Variants in UNC79 observed in about 807,000 individuals in gnomAD.
UNC79 encodes unc-79 subunit of NALCN channel complex.
Under a neutral mutation model 283.1 loss-of-function variants are expected in UNC79, and 37 were observed. That is an observed-to-expected ratio of 0.13 (90% CI 0.10 to 0.17). The LOEUF is 0.17. Ranked by LOEUF, UNC79 falls within the 10% of genes least tolerant of loss-of-function variation. UNC79 has a pLI of 1.00. For synonymous variants in UNC79, 1,107 were observed against 1,200.2 expected, an observed-to-expected ratio of 0.92 and a Z score of 1.61; for missense variants, 2,272 against 3,211.1, an observed-to-expected ratio of 0.71 and a Z score of 7.07.
At chr14:93,515,417 T>A (rs2060010204) in intron 7 of UNC79, among the ~76,000 whole-genome samples, 1 of 152,174 alleles carries the variant, frequency 6.6e-6, no homozygotes, top group Non-Finnish European at 1.5e-5. Flanking sequence ...TTCTCTTGTC[T>A]GTTGTTTCTT....
chr14:93,648,839 C>T (rs1243625286), intron 35 of UNC79, among the ~76,000 whole-genome samples: 1 of 152,176 alleles, frequency 6.6e-6, no homozygotes, highest in Non-Finnish European at 1.5e-5. Context: ...CACAGAGATG[C>T]AAGCACTTGC....
intron 47 of UNC79, among the ~76,000 whole-genome samples, chr14:93,694,787 C>G (rs1459692773): frequency 6.6e-6 from 1 of 152,134 alleles, no homozygotes; most frequent in Non-Finnish European, 1.5e-5. Context: ...AACACAAGTA[C>G]TGAAAATATT....
At chr14:93,435,914 A>T (rs1176579424) in intron 1 of UNC79, among the ~76,000 whole-genome samples, 1 of 152,090 alleles carries the variant, frequency 6.6e-6, no homozygotes, top group African/African-American at 2.4e-5. Flanking sequence ...ACTGCTCAAT[A>T]CTTAGCTTTG....
At chr14:93,430,033 C>T (rs1299102557), upstream of UNC79, among the ~76,000 whole-genome samples, 1 of 152,196 alleles carries the variant, frequency 6.6e-6, no homozygotes, top group Non-Finnish European at 1.5e-5. The surrounding 1 kb of genome is among the most constrained non-coding windows in gnomAD (Gnocchi z 4.6). Context: ...GGATATCTTC[C>T]TATTAATATG....
chr14:93,349,155 T>G lies in UNC79; in HGVS notation c.-351+15632T>G, dbSNP rs190996756. On this transcript the variant is annotated intron_variant, in intron 1 of 49. Transcript: ENST00000256339. The stretch of plus-strand genomic sequence containing the variant: ...AACAAACTCCGGACACACACCATCT[T>G]TAACAACTGTAACACTCACCGTGAA... Among the ~76,000 whole-genome samples, 216 of 152,262 alleles carry G rather than the reference T, an allele frequency of 1.4e-3. 3 individuals are homozygous for G. The highest frequency in any genetic ancestry group is 5.0e-3 in the African/African-American group (206 of 41,552).
chr14:93,521,407 CCTCTTCCTTCATA>C, intron 7 of UNC79, among the ~76,000 whole-genome samples: 1 of 151,926 alleles, frequency 6.6e-6, no homozygotes, highest in African/African-American at 2.4e-5. Flanking sequence ...TGCCTAGTTC[CCTCTTCCTTCATA>C]CTCTATTCAG....
chr14:93,342,977 A>G (rs896014043), intron 1 of UNC79, among the ~76,000 whole-genome samples: 1 of 151,666 alleles, frequency 6.6e-6, no homozygotes. Flanking sequence ...TCAGCATGGT[A>G]TCATATATCA....
chr14:93,508,118 C>CT (rs1188266765), intron 7 of UNC79, among the ~76,000 whole-genome samples: 1 of 149,926 alleles, frequency 6.7e-6, no homozygotes, highest in Non-Finnish European at 1.5e-5. Flanking sequence ...TATATTTGTT[C>CT]TTTTTCTTTG....
chr14:93,683,156 A>C (rs2073972804), intron 42 of UNC79, among the ~76,000 whole-genome samples: 1 of 151,994 alleles, frequency 6.6e-6, no homozygotes, highest in Non-Finnish European at 1.5e-5. Context: ...AGGGTTCTTG[A>C]TAATGTAATA....
chr14:93,607,683 C>T (rs1336416464), intron 26 of UNC79, among the ~76,000 whole-genome samples: 2 of 152,164 alleles, frequency 1.3e-5, no homozygotes, highest in Admixed American at 6.5e-5. Flanking sequence ...CCCCATCTCT[C>T]GTGGGACTCG....
At chr14:93,698,559 C>T (rs781171393) in intron 47 of UNC79, among the ~76,000 whole-genome samples, 5 of 130,996 alleles carry the variant, frequency 3.8e-5, no homozygotes, top group Admixed American at 9.8e-5. Flanking sequence ...GATCTTGGCT[C>T]GCCACAACCT....
At chr14:93,520,270 T>A (rs2060261054) in intron 7 of UNC79, among the ~76,000 whole-genome samples, 1 of 151,968 alleles carries the variant, frequency 6.6e-6, no homozygotes, top group East Asian at 1.9e-4. Context: ...AAATCAGCGA[T>A]CATTCTTATC....
At chr14:93,391,739 T>C (rs1001852146) in intron 1 of UNC79, among the ~76,000 whole-genome samples, 3 of 152,102 alleles carry the variant, frequency 2.0e-5, no homozygotes, top group African/African-American at 7.2e-5. Flanking sequence ...AAGGCCTGTA[T>C]CTAGATGACA....
At chr14:93,413,946 G>T (rs1419338501) in intron 1 of UNC79, among the ~76,000 whole-genome samples, 1 of 149,978 alleles carries the variant, frequency 6.7e-6, no homozygotes. Context: ...CAGATGAGTA[G>T]GTTGTGAAAA....
chr14:93,669,622 C>A (rs1000111583), intron 40 of UNC79, among the ~76,000 whole-genome samples: 3 of 152,048 alleles, frequency 2.0e-5, no homozygotes, highest in African/African-American at 7.3e-5. Flanking sequence ...ATATTACAAG[C>A]CTTGTATGTG....
chr14:93,418,274 T>C (rs2055508212), intron 1 of UNC79, among the ~76,000 whole-genome samples: 1 of 151,798 alleles, frequency 6.6e-6, no homozygotes, highest in Non-Finnish European at 1.5e-5. Context: ...TGGAGTTTGC[T>C]AGAGGTCCAC....
chr14:93,653,540 G>A (rs547125172), intron 35 of UNC79, among the ~76,000 whole-genome samples: 1 of 152,068 alleles, frequency 6.6e-6, no homozygotes, highest in Non-Finnish European at 1.5e-5. Context: ...AGACTACACT[G>A]GCATTTCATG....
chr14:93,701,856 CTT>C (rs1341292508), intron 47 of UNC79, among the ~76,000 whole-genome samples: 1 of 152,158 alleles, frequency 6.6e-6, no homozygotes, highest in Non-Finnish European at 1.5e-5. Flanking sequence ...AATAAAAACA[CTT>C]TTAGACCAAC....
At chr14:93,646,775 C>A in intron 35 of UNC79, 129 bp downstream of exon 38, 2 of 954,606 alleles carry the variant, frequency 2.1e-6, no homozygotes, top group Non-Finnish European at 3.2e-6. Flanking sequence ...TTTGGGAGGC[C>A]AGGGTGGGAG....
Sources: allele counts gnomAD v4.1 joint callset (sites outside exome capture counted in the v4.1 genomes callset), GRCh38; gene constraint gnomAD v4.1.1; non-coding constraint Gnocchi (gnomAD v3.1); transcripts MANE v1.5; gene names NCBI Gene and HGNC (gene_info 2026-07-23, HGNC 2026-07-21).